Variants in GPC5 observed in about 807,000 individuals in gnomAD.
GPC5 encodes glypican 5.
In GPC5, 47 loss-of-function variants were observed where a neutral mutation model predicts 53.9. The ratio of observed to expected loss-of-function variants is 0.87; its 90% CI spans 0.69 to 1.11. GPC5 has a LOEUF of 1.11. Ranked by LOEUF, GPC5 falls within the 50% of genes most tolerant of loss-of-function variation. The pLI is 0.00. For synonymous variants in GPC5, 286 were observed against 263.3 expected, an observed-to-expected ratio of 1.09 and a Z score of -0.84; for missense variants, 748 against 713.1, an observed-to-expected ratio of 1.05 and a Z score of -0.56.
At chr13:92,569,344 G>T (rs1235264481) in intron 7 of GPC5, among the ~76,000 whole-genome samples, 1 of 152,000 alleles carries the variant, frequency 6.6e-6, no homozygotes, top group South Asian at 2.1e-4. Flanking sequence ...GCTTAAAGAG[G>T]CTAAGTGACT....
At chr13:92,290,435 C>T in intron 7 of GPC5, among the ~76,000 whole-genome samples, 1 of 152,148 alleles carries the variant, frequency 6.6e-6, no homozygotes, top group East Asian at 1.9e-4. Context: ...GCACCCGTCA[C>T]CCAAACACTA....
intron 2 of GPC5, among the ~76,000 whole-genome samples, chr13:91,539,743 T>C (rs1388715638): frequency 1.3e-5 from 2 of 152,072 alleles, no homozygotes; most frequent in Admixed American, 6.6e-5. Context: ...GTATACTTTA[T>C]AATAATAAAA....
intron 7 of GPC5, among the ~76,000 whole-genome samples, chr13:92,727,276 T>G (rs1888674257): frequency 6.6e-6 from 1 of 151,532 alleles, no homozygotes; most frequent in African/African-American, 2.4e-5. Context: ...GTAAACACTA[T>G]TATGAAATTT....
chr13:92,042,353 C>T (rs540209642), intron 6 of GPC5, among the ~76,000 whole-genome samples: 6 of 152,070 alleles, frequency 3.9e-5, no homozygotes, highest in Non-Finnish European at 8.8e-5. Context: ...AGCACCAGGG[C>T]CTCCAAGACA....
At chr13:91,852,229 T>A (rs965974386) in intron 5 of GPC5, among the ~76,000 whole-genome samples, 17 of 151,750 alleles carry the variant, frequency 1.1e-4, no homozygotes, top group African/African-American at 1.4e-4. Flanking sequence ...AATTAAAAAA[T>A]TATTTTTTAA....
chr13:91,431,965 A>C (rs1407786705), intron 1 of GPC5, among the ~76,000 whole-genome samples: 1 of 152,208 alleles, frequency 6.6e-6, no homozygotes, highest in African/African-American at 2.4e-5. Flanking sequence ...GCTTAATTTC[A>C]TGTGCCAGAT....
chr13:92,609,312 G>A (rs1884358975), intron 7 of GPC5, among the ~76,000 whole-genome samples: 1 of 152,064 alleles, frequency 6.6e-6, no homozygotes, highest in African/African-American at 2.4e-5. Context: ...GGGGTTGGTT[G>A]GGGAATACAT....
chr13:91,721,117 CTTTCTTTCTTT>C, intron 3 of GPC5, among the ~76,000 whole-genome samples: 1 of 80,516 alleles, frequency 1.2e-5, no homozygotes, highest in African/African-American at 4.3e-5. Flanking sequence ...TTCTTTCTTT[CTTTCTTTCTTT>C]CTTTCTTTCT....
chr13:92,190,541 A>G (rs1015193624), intron 7 of GPC5, among the ~76,000 whole-genome samples: 3 of 152,014 alleles, frequency 2.0e-5, no homozygotes, highest in Non-Finnish European at 4.4e-5. Flanking sequence ...ATGCTTATAC[A>G]TAAGTGAAAC....
intron 7 of GPC5, among the ~76,000 whole-genome samples, chr13:92,852,429 T>A (rs931377726): frequency 1.3e-5 from 2 of 152,166 alleles, no homozygotes; most frequent in African/African-American, 4.8e-5. Context: ...AGCCTAAAAC[T>A]TGATAAATGC....
chr13:92,031,678 T>C (rs1594734070), intron 6 of GPC5, among the ~76,000 whole-genome samples: 1 of 95,748 alleles, frequency 1.0e-5, no homozygotes, highest in Non-Finnish European at 1.9e-5. Context: ...GTATATATAA[T>C]ATATATATAG....
At chr13:92,753,847 C>T (rs1447249847) in intron 7 of GPC5, among the ~76,000 whole-genome samples, 4 of 152,236 alleles carry the variant, frequency 2.6e-5, no homozygotes, top group East Asian at 1.9e-4. Flanking sequence ...ACCAAATCTA[C>T]GTCTGATTGG....
chr13:91,800,072 T>C (rs1276137048), intron 5 of GPC5, among the ~76,000 whole-genome samples: 1 of 152,058 alleles, frequency 6.6e-6, no homozygotes, highest in East Asian at 1.9e-4. Context: ...CTTAATTTAT[T>C]AAATAACAAA....
At chr13:91,914,535 A>T (rs1037508335) in intron 6 of GPC5, among the ~76,000 whole-genome samples, 4 of 152,066 alleles carry the variant, frequency 2.6e-5, no homozygotes, top group African/African-American at 9.7e-5. Flanking sequence ...CCACAAAAGA[A>T]GTAGATTTTC....
chr13:92,055,233 CTGTT>C (rs2041064927), intron 6 of GPC5, among the ~76,000 whole-genome samples: 1 of 152,090 alleles, frequency 6.6e-6, no homozygotes. Flanking sequence ...AATTTGGAGG[CTGTT>C]TGTCAGACTC....
chr13:91,418,196 CA>C (rs1469991588), intron 1 of GPC5, among the ~76,000 whole-genome samples: 3 of 152,064 alleles, frequency 2.0e-5, no homozygotes, highest in Admixed American at 6.6e-5. Context: ...TGGTTTTAGG[CA>C]GCCACTAGGA....
At chr13:91,435,769 C>T (rs957795670) in intron 1 of GPC5, among the ~76,000 whole-genome samples, 2 of 152,186 alleles carry the variant, frequency 1.3e-5, no homozygotes, top group South Asian at 2.1e-4. Context: ...ATGGTACCAG[C>T]TCCTCCTTGT....
intron 5 of GPC5, among the ~76,000 whole-genome samples, chr13:91,801,578 A>G (rs1328064868): frequency 1.3e-5 from 2 of 152,194 alleles, no homozygotes; most frequent in Non-Finnish European, 2.9e-5. Context: ...GTCCACCAAC[A>G]ATAGAAACAT....
chr13:91,960,658 A>G (rs1009850231), intron 6 of GPC5, among the ~76,000 whole-genome samples: 1 of 152,072 alleles, frequency 6.6e-6, no homozygotes, highest in African/African-American at 2.4e-5. Context: ...ATTTCAAAAT[A>G]TATTACAAGG....
Sources: allele counts gnomAD v4.1 joint callset (sites outside exome capture counted in the v4.1 genomes callset), GRCh38; gene constraint gnomAD v4.1.1; transcripts MANE v1.5; gene names NCBI Gene and HGNC (gene_info 2026-07-23, HGNC 2026-07-21).